The following ENTPD8 variants were observed in gnomAD, a reference collection of about 807,000 sequenced individuals.
The protein encoded by ENTPD8 is ectonucleoside triphosphate diphosphohydrolase 8, also known as E-NTPDase 8.
Under a neutral mutation model 47.0 loss-of-function variants are expected in ENTPD8, and 35 were observed. That is an observed-to-expected ratio of 0.75 (90% CI 0.57 to 0.99). The LOEUF (loss-of-function observed/expected upper bound fraction) is 0.99. Ranked by LOEUF, ENTPD8 falls within the 50% of genes least tolerant of loss-of-function variation. The pLI, the probability that ENTPD8 is intolerant of heterozygous loss-of-function variation, is 0.00. For synonymous variants in ENTPD8, 308 were observed against 290.5 expected, an observed-to-expected ratio of 1.06 and a Z score of -0.61; for missense variants, 668 against 649.9, an observed-to-expected ratio of 1.03 and a Z score of -0.30.
At position 137,434,852 on chromosome 9, in the gene ENTPD8, G is replaced by A. The variant is rs768265602; in HGVS notation, c.*62C>T. 147 of 1,500,588 alleles carry A rather than the reference G, an allele frequency of 9.8e-5. No homozygotes were observed. Among genetic ancestry groups the A allele is most frequent in the Non-Finnish European group, 1.2e-4 (133 of 1,123,254 alleles). 93.0% of individuals were successfully genotyped at this position (1,500,588 alleles called of 1,614,324 possible). On this transcript the variant is annotated 3_prime_UTR_variant, in exon 10 of 10. Coordinates refer to ENST00000371506, the MANE Select transcript of ENTPD8 (RefSeq NM_001033113.2). ...CCCCACGGCGCTCAGGGCTCAGGAA[G>A]CCTCCAGCATCCGGGACGCAGCTGC...
At position 137,438,162 on chromosome 9, in the gene ENTPD8, T is replaced by C; in HGVS notation, c.124A>G (p.Lys42Glu). ...ATSVLLPTDI[K>E]FGIVFDAGSS... is the part of the protein sequence containing the mutation. ...CTCCCCTGCCGGCGGGGACGCACCT[T>C]GATGTCTGTGGGCAGGAGCACGCTG... Residue 42 changes from lysine (K) to glutamate (E), a missense_variant and splice_region_variant, in exon 2 of 10, where the codon AAG becomes GAG. Lys to Glu is a moderately conservative substitution (Grantham distance 56, BLOSUM62 1). Coordinates refer to ENST00000371506, the MANE Select transcript of ENTPD8 (RefSeq NM_001033113.2). This position sits in a 1 kb window ranked among gnomAD's most constrained non-coding sequence, Gnocchi z 5.7. The C allele has an allele frequency of 6.2e-7, 1 of 1,609,896 alleles. No individual in the cohort carries two copies. Among genetic ancestry groups the C allele is most frequent in the Non-Finnish European group, 8.5e-7 (1 of 1,178,236 alleles).
intron 8 of ENTPD8, 30 bp from the exon 9 acceptor site, chr9:137,435,368 G>T (rs1231388293): frequency 6.3e-7 from 1 of 1,596,226 alleles, no homozygotes; most frequent in Non-Finnish European, 8.5e-7. Context: ...GAGGCGAGGT[G>T]AGGGCCCCTG....
At position 137,438,771 on chromosome 9, in the gene ENTPD8, C is replaced by A. The variant is rs1289675872; in HGVS notation, c.-20-466G>T. Among the ~76,000 whole-genome samples the A allele has an allele frequency of 6.6e-6, 1 of 152,098 alleles. No individual in the cohort carries two copies. The highest frequency in any genetic ancestry group is 1.5e-5 in the Non-Finnish European group (1 of 67,956). ...GGCCCTGTGGGAGGGGGGCGGGGGG[C>A]AGCAGAGGCCTCGTCTGGGGACACA... is the stretch of plus-strand genomic sequence containing the variant. On this transcript the variant is annotated intron_variant, in intron 1 of 9. Coordinates refer to ENST00000371506, the MANE Select transcript of ENTPD8 (RefSeq NM_001033113.2). This position sits in a 1 kb window ranked among gnomAD's most constrained non-coding sequence, Gnocchi z 5.7.
rs1839296985 is a variant in ENTPD8, at chr9:137,434,971, C to G, written c.1431G>C (p.Leu477=). The G allele has an allele frequency of 1.2e-6, 2 of 1,612,908 alleles. No individual in the cohort carries two copies. Among genetic ancestry groups the G allele is most frequent in the African/African-American group, 2.7e-5 (2 of 74,940 alleles). Residue 477 remains leucine, a synonymous_variant, in exon 10 of 10, where the codon CTG becomes CTC. Transcript: ENST00000371506. ...VWVAKVVFMV[L]ALVAVVGAAL... is the part of the protein sequence containing the mutation. ...CAGCCCCCACCACCGCCACCAGGGC[C>G]AGCACCATGAACACCACTTTGGCCA... is the stretch of plus-strand genomic sequence containing the variant.
Position 137,439,101 on chromosome 9 carries a change from A to G in ENTPD8, c.-20-796T>C, listed in dbSNP as rs1211696786. On this transcript the variant is annotated intron_variant, in intron 1 of 9. Transcript: ENST00000371506. Reference sequence around the variant, plus strand: ...CAGCCATCCTAGGAAGCCGAGTGTGAGGCTTCTTAACAACATCGGTTTCTC... The same window carrying G: ...CAGCCATCCTAGGAAGCCGAGTGTGGGGCTTCTTAACAACATCGGTTTCTC... Among the ~76,000 whole-genome samples, 3 of 152,126 alleles carry G rather than the reference A, an allele frequency of 2.0e-5. No individual in the cohort carries two copies. The East Asian group carries it at 5.8e-4, about 29-fold the overall frequency.
chr9:137,436,594 C>G lies in ENTPD8; in HGVS notation c.713G>C (p.Ser238Thr), dbSNP rs756604767. The change falls in exon 6 of 10, where the codon AGC becomes ACC. Residue 238 changes from serine to threonine, a missense_variant. Coordinates refer to ENST00000371506, the MANE Select transcript of ENTPD8 (RefSeq NM_001033113.2). ...ADFRLYGSDY[S>T]VYTHSYLCFG... ...GCACAGGTAGCTGTGAGTGTAGACG[C>G]TGTAGTCGGAGCCGTAGAGGCGAAA... 1 of 1,611,836 alleles carries G rather than the reference C, an allele frequency of 6.2e-7. No individual in the cohort carries two copies. Among genetic ancestry groups the G allele is most frequent in the Non-Finnish European group, 8.5e-7 (1 of 1,179,632 alleles).
Position 137,441,300 on chromosome 9 carries a change from C to A in ENTPD8, c.-35G>T. 3.6e-6 allele frequency: 1 copy of A among 278,716 alleles called. No homozygotes were observed. The highest frequency in any genetic ancestry group is 2.3e-5 in the African/African-American group (1 of 44,300). The allele number at this position is 278,716 out of a possible 1,614,324, so 17.3% of individuals were successfully genotyped here. ...TGGACCCTCACCTGGGCTGGCTGCC[C>A]ACTTCCCGGAGCGGCAAGGAGGAAG... On this transcript the variant is annotated 5_prime_UTR_variant, in exon 1 of 10. Coordinates refer to ENST00000371506, the MANE Select transcript of ENTPD8 (RefSeq NM_001033113.2).
Position 137,437,297 on chromosome 9 carries a change from G to T in ENTPD8, c.257C>A (p.Ser86Tyr). Residue 86 changes from serine (S) to tyrosine (Y), a missense_variant, in exon 4 of 10, where the codon TCC (serine) becomes TAC (tyrosine). Coordinates refer to ENST00000371506, the MANE Select transcript of ENTPD8 (RefSeq NM_001033113.2). ...LACQVEGPGISSYTSNAAQAG... is the reference protein window; with the variant it reads ...LACQVEGPGIYSYTSNAAQAG... ...CTGTGCAGCATTAGAAGTGTAGGAGGAGATTCCAGGCCCTGGAACAGCAGC... is the reference window on the plus strand; with the variant it reads ...CTGTGCAGCATTAGAAGTGTAGGAGTAGATTCCAGGCCCTGGAACAGCAGC... 6.2e-7 allele frequency: 1 copy of T among 1,611,612 alleles called. No homozygotes were observed. The highest frequency in any genetic ancestry group is 8.5e-7 in the Non-Finnish European group (1 of 1,179,104).
rs907239086 is a variant in ENTPD8, at chr9:137,434,687, G to A, written c.*227C>T. 2.5e-5 allele frequency: 16 copies of A among 641,006 alleles called. No homozygotes were observed. In the African/African-American group the frequency reaches 2.6e-4, roughly 10 times the overall value. The allele number at this position is 641,006 out of a possible 1,614,324, so 39.7% of individuals were successfully genotyped here. A position where few individuals can be genotyped will look rare whatever the true frequency, so the allele number is the denominator to read the frequency against. On this transcript the variant is annotated 3_prime_UTR_variant, in exon 10 of 10. Coordinates refer to ENST00000371506, the MANE Select transcript of ENTPD8 (RefSeq NM_001033113.2). ...GCCTGTGTGCAGAAAGGCACCTACG[G>A]CCCTGGAAGCCCAGTTGCGGAAGGA...
Position 137,438,436 on chromosome 9 carries a change from C to T in ENTPD8, c.-20-131G>A, listed in dbSNP as rs140295120. The T allele has an allele frequency of 2.0e-5, 21 of 1,061,012 alleles. No homozygotes were observed. Among genetic ancestry groups the T allele is most frequent in the East Asian group, 5.5e-5 (2 of 36,638 alleles). The allele number at this position is 1,061,012 out of a possible 1,614,324, so 65.7% of individuals were successfully genotyped here. On this transcript the variant is annotated intron_variant, in intron 1 of 9. Transcript: ENST00000371506. This position sits in a 1 kb window ranked among gnomAD's most constrained non-coding sequence, Gnocchi z 5.7. Reference sequence around the variant, plus strand: ...CAGCCACTTGCCTTAGAGGCATCTCCGGGGCTCAGACGCCTCCCGTGGCCA... The same window carrying T: ...CAGCCACTTGCCTTAGAGGCATCTCTGGGGCTCAGACGCCTCCCGTGGCCA...
intron 6 of ENTPD8, 72 bp from the exon 7 acceptor site, chr9:137,436,348 A>G: frequency 1.4e-6 from 2 of 1,446,780 alleles, no homozygotes; most frequent in Non-Finnish European, 1.8e-6. Flanking sequence ...GGGCCGGATG[A>G]CCCACGCCAG....
intron 4 of ENTPD8, 56 bp downstream of exon 4, chr9:137,437,103 G>GC (rs1839387167): frequency 3.7e-6 from 6 of 1,603,138 alleles, no homozygotes; most frequent in Non-Finnish European, 4.3e-6. Flanking sequence ...CACGCTGGCT[G>GC]AGACCATGGC....
In ENTPD8 at chr9:137,434,589, G is replaced by T. The variant is rs1014666785; in HGVS notation, c.*325C>A. ...TCAGGAGCAGGACCCCTGTGCCTCC[G>T]TGGTCTTGCCCTGTTTGCAGGCAGC... is the stretch of plus-strand genomic sequence containing the variant. On this transcript the variant is annotated 3_prime_UTR_variant, in exon 10 of 10. Transcript: ENST00000371506. 2.5e-5 allele frequency: 15 copies of T among 594,080 alleles called. No homozygotes were observed. The highest frequency in any genetic ancestry group is 4.3e-5 in the Non-Finnish European group (15 of 346,870). The allele number at this position is 594,080 out of a possible 1,614,324, so 36.8% of individuals were successfully genotyped here. A position where few individuals can be genotyped will look rare whatever the true frequency, so the allele number is the denominator to read the frequency against.
In ENTPD8 at chr9:137,436,750, T is replaced by A; in HGVS notation, c.557A>T (p.Tyr186Phe). The A allele has an allele frequency of 1.2e-6, 2 of 1,603,666 alleles. No homozygotes were observed. The highest frequency in any genetic ancestry group is 1.7e-6 in the Non-Finnish European group (2 of 1,175,090). The change falls in exon 6 of 10, where the codon TAC (tyrosine) becomes TTC (phenylalanine). Residue 186 changes from tyrosine to phenylalanine, a missense_variant and splice_region_variant. Transcript: ENST00000371506. ...VNYGLGTLVK[Y>F]SFTGEWIQPP... ...CTGGATCCATTCTCCAGTGAAGGAG[T>A]ACTGGGCACAGAAGGGGCCACTCAG...
At chr9:137,435,605 C>T in intron 8 of ENTPD8, 114 bp downstream of exon 8, 1 of 1,164,964 alleles carries the variant, frequency 8.6e-7, no homozygotes, top group South Asian at 1.4e-5. Context: ...CTGCCCTTGC[C>T]TCCCCCGGCC....
rs140934866 is a variant in ENTPD8 at position 137,435,031 on chromosome 9, C to G, written c.1371G>C (p.Pro457=). 5 of 1,612,668 alleles carry G rather than the reference C, an allele frequency of 3.1e-6. No individual in the cohort carries two copies. Among genetic ancestry groups the G allele is most frequent in the Non-Finnish European group, 3.4e-6 (4 of 1,179,894 alleles). Reference sequence around the variant, plus strand: ...CGTAGCTCTCTGCCCGCCACTGAGCCGGCGCATCGGCCGGGATCATCCCGG... The same window carrying G: ...CGTAGCTCTCTGCCCGCCACTGAGCGGGCGCATCGGCCGGGATCATCCCGG... ...NLTGMIPADA[P]AQWRAESYGV... Residue 457 remains proline, a synonymous_variant, in exon 10 of 10, where the codon CCG becomes CCC. Transcript: ENST00000371506.
chr9:137,438,572 G>A lies in ENTPD8; in HGVS notation c.-20-267C>T, dbSNP rs1012013616. On this transcript the variant is annotated intron_variant, in intron 1 of 9. Coordinates refer to ENST00000371506, the MANE Select transcript of ENTPD8 (RefSeq NM_001033113.2). The surrounding 1 kb of genome is among the most constrained non-coding windows in gnomAD (Gnocchi z 5.7). Reference sequence around the variant, plus strand: ...ATCTCCGGGGCTCAGACGGCCTCCCGTGGCCATAGAGGCATCCCCGGGGCT... The same window carrying A: ...ATCTCCGGGGCTCAGACGGCCTCCCATGGCCATAGAGGCATCCCCGGGGCT... Among the ~76,000 whole-genome samples, 2 of 150,506 alleles carry A rather than the reference G, an allele frequency of 1.3e-5. No homozygotes were observed. The highest frequency in any genetic ancestry group is 1.5e-5 in the Non-Finnish European group (1 of 67,510).
rs61730140 is a variant in ENTPD8 at position 137,438,050 on chromosome 9, G to T, written c.161C>A (p.Thr54Lys). 1.2e-6 allele frequency: 2 copies of T among 1,613,020 alleles called. No individual in the cohort carries two copies. The highest frequency in any genetic ancestry group is 1.7e-5 in the Admixed American group (1 of 60,008). Residue 54 changes from threonine (T) to lysine (K), a missense_variant, in exon 3 of 10, where the codon ACG (threonine) becomes AAG (lysine). Physicochemically the swap from Thr to Lys is moderately conservative, Grantham distance 78. Coordinates refer to ENST00000371506, the MANE Select transcript of ENTPD8 (RefSeq NM_001033113.2). This position sits in a 1 kb window ranked among gnomAD's most constrained non-coding sequence, Gnocchi z 5.7. ...GIVFDAGSSHTSLFLYQWLAN... is the reference protein window; with the variant it reads ...GIVFDAGSSHKSLFLYQWLAN... The stretch of plus-strand genomic sequence containing the variant: ...CAGCCACTGATACAGGAAGAGGGAC[G>T]TGTGGGAGGAGCCCGCATCAAACAC...
Position 137,435,833 on chromosome 9 carries a change from A to G in ENTPD8, c.1051-4T>C. On this transcript the variant is annotated splice_region_variant and splice_polypyrimidine_tract_variant and intron_variant, in intron 7 of 9. Transcript: ENST00000371506. ...TGTAGTAGAAGTTGGAGAAGGCCTG[A>G]GTGAGAGGGGAGGTGGCTGTGCCTT... 6.2e-7 allele frequency: 1 copy of G among 1,612,958 alleles called. No homozygotes were observed. The highest frequency in any genetic ancestry group is 8.5e-7 in the Non-Finnish European group (1 of 1,179,506).
Sources: gnomAD v4.1 joint callset for allele counts (sites outside exome capture counted in the v4.1 genomes callset) on GRCh38, gnomAD v4.1.1 for gene constraint, Gnocchi (gnomAD v3.1) non-coding constraint, MANE v1.5 for transcripts, NCBI Gene and HGNC (gene_info 2026-07-23, HGNC 2026-07-21) for gene names.